PCDHGA12: variants seen among roughly 807,000 people sequenced by gnomAD.
PCDHGA12 encodes protocadherin gamma-A12.
PCDHGA12 carries 43 observed loss-of-function variants against 61.1 expected under a neutral mutation model. That is an observed-to-expected ratio of 0.70 (90% CI 0.55 to 0.91). PCDHGA12 has a LOEUF of 0.91. PCDHGA12 is among the 40% of genes least tolerant of loss of function. PCDHGA12 has a pLI of 0.00. For missense variants in PCDHGA12, 1,236 were observed against 1,227.7 expected, an observed-to-expected ratio of 1.01 and a Z score of -0.10; for synonymous variants, 520 against 542.9, an observed-to-expected ratio of 0.96 and a Z score of 0.59.
Position 141,491,874 on chromosome 5 carries a change from T to G in PCDHGA12, c.2425-2933T>G, listed in dbSNP as rs1160702024. On this transcript the variant is annotated intron_variant, in intron 1 of 3. Coordinates refer to ENST00000252085, the MANE Select transcript of PCDHGA12 (RefSeq NM_003735.3). The surrounding 1 kb of genome is among the most constrained non-coding windows in gnomAD (Gnocchi z 6.9). ...GTTTGCGCGAAACCAGAGTGGCCGA[T>G]TAAGGGATGGGGCTCCGAGCACCGG... 15 of 1,451,168 alleles carry G rather than the reference T, an allele frequency of 1.0e-5. No homozygotes were observed. The highest frequency in any genetic ancestry group is 1.4e-5 in the Non-Finnish European group (15 of 1,098,162). 89.9% of individuals were successfully genotyped at this position (1,451,168 alleles called of 1,614,324 possible). A position where few individuals can be genotyped will look rare whatever the true frequency, so the allele number is the denominator to read the frequency against.
chr5:141,487,718 A>G lies in PCDHGA12; in HGVS notation c.2425-7089A>G. Reference sequence around the variant, plus strand: ...TACTGGCCTCTCAGTAAGTGCCCATAGTGATGTCACCATTTTTGTAAGAGG... The same window carrying G: ...TACTGGCCTCTCAGTAAGTGCCCATGGTGATGTCACCATTTTTGTAAGAGG... On this transcript the variant is annotated intron_variant, in intron 1 of 3. Coordinates refer to ENST00000252085, the MANE Select transcript of PCDHGA12 (RefSeq NM_003735.3). The surrounding 1 kb of genome is among the most constrained non-coding windows in gnomAD (Gnocchi z 5.0). The G allele has an allele frequency of 1.3e-6, 2 of 1,580,268 alleles. No individual in the cohort carries two copies. The highest frequency in any genetic ancestry group is 1.7e-6 in the Non-Finnish European group (2 of 1,161,186).
At position 141,486,778 on chromosome 5, in the gene PCDHGA12, G is replaced by A. The variant is rs750169906; in HGVS notation, c.2425-8029G>A. The A allele has an allele frequency of 1.2e-6, 2 of 1,614,104 alleles. No individual in the cohort carries two copies. Among genetic ancestry groups the A allele is most frequent in the Admixed American group, 1.7e-5 (1 of 60,006 alleles). ...AAACCCAGACACTGCAGTTTGAGGT[G>A]CAGGCCCGGGATCGGGGCAACCCAC... is the stretch of plus-strand genomic sequence containing the variant. On this transcript the variant is annotated intron_variant, in intron 1 of 3. Coordinates refer to ENST00000252085, the MANE Select transcript of PCDHGA12 (RefSeq NM_003735.3). This position sits in a 1 kb window ranked among gnomAD's most constrained non-coding sequence, Gnocchi z 5.0.
chr5:141,496,126 C>T (rs934132550), intron 2 of PCDHGA12, among the ~76,000 whole-genome samples: 2 of 152,062 alleles, frequency 1.3e-5, no homozygotes, highest in African/African-American at 4.8e-5. Context: ...CCCTGCCCCT[C>T]ACACACTGAG....
rs562479827 is a variant in PCDHGA12, at chr5:141,430,802, C to A, written c.43C>A (p.Leu15Met). The A allele has an allele frequency of 1.2e-5, 18 of 1,524,776 alleles. No homozygotes were observed. The East Asian group carries it at 3.9e-4, about 33-fold the overall frequency. The allele number at this position is 1,524,776 out of a possible 1,614,324, so 94.5% of individuals were successfully genotyped here. The change falls in exon 1 of 4, where the codon CTG (leucine) becomes ATG (methionine). Residue 15 changes from leucine (L) to methionine (M), a missense_variant. Coordinates refer to ENST00000252085, the MANE Select transcript of PCDHGA12 (RefSeq NM_003735.3). ...GCACCGGGACTACAAAGGGCTTGTC[C>A]TGCTGGGAATCCTCCTGGGGACTCT... is the stretch of plus-strand genomic sequence containing the variant. ...RLHRDYKGLV[L>M]LGILLGTLWE...
intron 1 of PCDHGA12, among the ~76,000 whole-genome samples, chr5:141,482,794 G>A (rs374042779): frequency 6.2e-5 from 8 of 129,246 alleles, no homozygotes; most frequent in Non-Finnish European, 8.1e-5. Flanking sequence ...GTGTGTGGCC[G>A]GGTACGGTGG....
At chr5:141,434,331 T>C (rs1271938024) in intron 1 of PCDHGA12, among the ~76,000 whole-genome samples, 3 of 152,186 alleles carry the variant, frequency 2.0e-5, no homozygotes, top group Non-Finnish European at 4.4e-5. Context: ...GCTTGTCTCT[T>C]TGTGTCGGGA....
At chr5:141,438,585 TAC>T (rs1561889967) in intron 1 of PCDHGA12, among the ~76,000 whole-genome samples, 141 of 61,160 alleles carry the variant, frequency 2.3e-3, no homozygotes, top group South Asian at 4.3e-3. Flanking sequence ...CATACATACA[TAC>T]ATACATATAT....
intron 1 of PCDHGA12, among the ~76,000 whole-genome samples, chr5:141,483,255 G>T (rs1383670642): frequency 1.3e-5 from 2 of 152,030 alleles, no homozygotes; most frequent in African/African-American, 2.4e-5. Context: ...ATATCATGAG[G>T]TTTTTTTGTT....
Position 141,476,301 on chromosome 5 carries a change from C to T in PCDHGA12, c.2425-18506C>T. On this transcript the variant is annotated intron_variant, in intron 1 of 3. Transcript: ENST00000252085. The surrounding 1 kb of genome is among the most constrained non-coding windows in gnomAD (Gnocchi z 7.6). ...CTTGGTTTGGATCTCGGTAGCCTCT[C>T]AGCCCGCAGGTTCCGGGTGGTGTCT... is the stretch of plus-strand genomic sequence containing the variant. The T allele has an allele frequency of 1.9e-6, 3 of 1,613,778 alleles. No homozygotes were observed. The highest frequency in any genetic ancestry group is 2.5e-6 in the Non-Finnish European group (3 of 1,179,908).
intron 1 of PCDHGA12, among the ~76,000 whole-genome samples, chr5:141,492,409 C>A (rs1367119266): frequency 6.6e-6 from 1 of 152,230 alleles, no homozygotes; most frequent in Non-Finnish European, 1.5e-5. Flanking sequence ...TCCCCTCTGC[C>A]GCTCCCTCCG....
rs772884830 is a variant in PCDHGA12 at position 141,491,791 on chromosome 5, C to T, written c.2425-3016C>T. ...TAAGGGATTGAACTTGCATCCACTCCTCTCCGGCCGGCTTGGTCGCTGGCT... is the reference window on the plus strand; with the variant it reads ...TAAGGGATTGAACTTGCATCCACTCTTCTCCGGCCGGCTTGGTCGCTGGCT... On this transcript the variant is annotated intron_variant, in intron 1 of 3. Coordinates refer to ENST00000252085, the MANE Select transcript of PCDHGA12 (RefSeq NM_003735.3). This position sits in a 1 kb window ranked among gnomAD's most constrained non-coding sequence, Gnocchi z 6.9. The T allele has an allele frequency of 3.3e-6, 5 of 1,518,376 alleles. No homozygotes were observed. In the African/African-American group the frequency reaches 4.2e-5, roughly 13 times the overall value. The allele number at this position is 1,518,376 out of a possible 1,614,324, so 94.1% of individuals were successfully genotyped here.
At chr5:141,507,932 G>C (rs2099865030) in intron 3 of PCDHGA12, 1 of 152,338 alleles carries the variant, frequency 6.6e-6, no homozygotes, top group Admixed American at 6.5e-5. Context: ...TGCTGAGAGG[G>C]GTTAAGTAAG....
Position 141,486,006 on chromosome 5 carries a change from C to G in PCDHGA12, c.2425-8801C>G, listed in dbSNP as rs1394484191. The G allele has an allele frequency of 1.9e-6, 3 of 1,614,190 alleles. No individual in the cohort carries two copies. The highest frequency in any genetic ancestry group is 1.1e-5 in the South Asian group (1 of 91,084). On this transcript the variant is annotated intron_variant, in intron 1 of 3. Transcript: ENST00000252085. The surrounding 1 kb of genome is among the most constrained non-coding windows in gnomAD (Gnocchi z 5.0). Reference sequence around the variant, plus strand: ...GACCTGGGTCCCAGTGGTAACGTCACCTTTTATTTCAGTGGTCATACCCCT... The same window carrying G: ...GACCTGGGTCCCAGTGGTAACGTCAGCTTTTATTTCAGTGGTCATACCCCT...
intron 1 of PCDHGA12, chr5:141,440,369 G>A (rs2098171994): frequency 6.6e-6 from 1 of 152,156 alleles, no homozygotes; most frequent in African/African-American, 2.4e-5. Context: ...GGGGGGCCGA[G>A]GCAGGAGAAT....
chr5:141,441,364 CGT>C (rs1283671958), intron 1 of PCDHGA12: 1 of 152,528 alleles, frequency 6.6e-6, no homozygotes, highest in African/African-American at 2.4e-5. Context: ...CAAATGGGGC[CGT>C]GGACCAGGAA....
At position 141,431,262 on chromosome 5, in the gene PCDHGA12, A is replaced by G. The variant is rs371663018; in HGVS notation, c.503A>G (p.Gln168Arg). Reference protein sequence around the residue: ...WDPDIGKNSLQSYELSPNTHF... With the variant: ...WDPDIGKNSLRSYELSPNTHF... The stretch of plus-strand genomic sequence containing the variant: ...CCGGATATCGGGAAGAACTCTCTGC[A>G]GAGCTACGAGCTCAGCCCGAACACT... The change falls in exon 1 of 4, where the codon CAG becomes CGG. Residue 168 changes from glutamine to arginine, a missense_variant. Coordinates refer to ENST00000252085, the MANE Select transcript of PCDHGA12 (RefSeq NM_003735.3). The surrounding 1 kb of genome is among the most constrained non-coding windows in gnomAD (Gnocchi z 4.8). The G allele has an allele frequency of 2.6e-5, 42 of 1,614,184 alleles. No homozygotes were observed. In the African/African-American group the frequency reaches 2.7e-4, roughly 10 times the overall value.
intron 1 of PCDHGA12, chr5:141,479,478 G>T (rs760475025): frequency 2.6e-5 from 4 of 152,408 alleles, no homozygotes; most frequent in African/African-American, 9.6e-5. Context: ...TCTTGGGAGG[G>T]CAGGACCATC....
chr5:141,438,619 TATATATATATATATATACACAC>T (rs1408639052), intron 1 of PCDHGA12, among the ~76,000 whole-genome samples: 61 of 39,666 alleles, frequency 1.5e-3, no homozygotes, highest in African/African-American at 9.2e-3. Context: ...TATATATATA[TATATATATATATATATACACAC>T]ACACACACAC....
intron 1 of PCDHGA12, chr5:141,478,776 A>T: frequency 1.3e-6 from 2 of 1,488,808 alleles, no homozygotes; most frequent in Non-Finnish European, 1.8e-6. Context: ...TCATCTGTGG[A>T]CCTAATTCAC....
Sources: allele counts gnomAD v4.1 joint callset (sites outside exome capture counted in the v4.1 genomes callset), GRCh38; gene constraint gnomAD v4.1.1; non-coding constraint Gnocchi (gnomAD v3.1); transcripts MANE v1.5; gene names NCBI Gene and HGNC (gene_info 2026-07-23, HGNC 2026-07-21).